Variants in ATG9B observed in about 807,000 individuals in gnomAD.
ATG9B encodes the protein autophagy related 9B, also known as autophagy-related protein 9B.
A neutral mutation model predicts 92.9 loss-of-function variants in ATG9B; 92 were observed. That is an observed-to-expected ratio of 0.99 (90% CI 0.84 to 1.18). The LOEUF is 1.18. Ranked by LOEUF, ATG9B falls within the 50% of genes most tolerant of loss-of-function variation. The pLI is 0.00. For missense variants in ATG9B, 1,344 were observed against 1,235.0 expected (o/e 1.09, Z -1.32); for synonymous variants, 599 against 551.4 (o/e 1.09, Z -1.21).
chr7:151,017,824 G>T, intron 8 of ATG9B, 47 bp downstream of exon 8: 2 of 1,514,112 alleles, frequency 1.3e-6, no homozygotes, highest in Non-Finnish European at 1.8e-6. Flanking sequence ...AGAGGCAAGC[G>T]AACTCCCACC....
At chr7:151,023,016 C>G in intron 4 of ATG9B, 29 bp downstream of exon 4, 1 of 1,613,768 alleles carries the variant, frequency 6.2e-7, no homozygotes, top group South Asian at 1.1e-5. Context: ...CATGCTTCAC[C>G]CCCAGGGCCC....
intron 5 of ATG9B, 108 bp from the exon 6 acceptor site, chr7:151,019,482 C>T (rs1350332756): frequency 5.8e-6 from 8 of 1,384,000 alleles, no homozygotes; most frequent in Non-Finnish European, 7.6e-6. Context: ...ACTGAGTTTG[C>T]GATCACAAAC....
At position 151,018,270 on chromosome 7, in the gene ATG9B, G is replaced by A; in HGVS notation, c.1872+24C>T. On this transcript the variant is annotated intron_variant, in intron 7 of 13. Coordinates refer to ENST00000639579, the MANE Select transcript of ATG9B (RefSeq NM_001317056.2). This position sits in a 1 kb window ranked among gnomAD's most constrained non-coding sequence, Gnocchi z 4.7. ...GACAGACCCCACAACTTCCTCCTCAGCCCGCCGTCGCGCCCACCCTCACCG... is the reference window on the plus strand; with the variant it reads ...GACAGACCCCACAACTTCCTCCTCAACCCGCCGTCGCGCCCACCCTCACCG... 2 of 1,517,986 alleles carry A rather than the reference G, an allele frequency of 1.3e-6. No individual in the cohort carries two copies. Among genetic ancestry groups the A allele is most frequent in the East Asian group, 2.3e-5 (1 of 44,106 alleles). 94.0% of individuals were successfully genotyped at this position (1,517,986 alleles called of 1,614,324 possible).
Position 151,021,221 on chromosome 7 carries a change from C to A in ATG9B, c.930G>T (p.Gln310His). The A allele has an allele frequency of 6.2e-7, 1 of 1,613,546 alleles. No individual in the cohort carries two copies. Among genetic ancestry groups the A allele is most frequent in the Non-Finnish European group, 8.5e-7 (1 of 1,179,928 alleles). The stretch of plus-strand genomic sequence containing the variant: ...TGTGCAGGGCCTCCCTGTAAAACAC[C>A]TGGATGTCCCAGTAGCTGAAGAGGT... The part of the protein sequence containing the change: ...VCNLFSYWDI[Q>H]VFYREALHIP... Residue 310 changes from glutamine to histidine, a missense_variant, in exon 5 of 14, where the codon CAG becomes CAT. Transcript: ENST00000639579.
chr7:151,013,368 G>A (rs1307560810), downstream of ATG9B: 1 of 1,613,192 alleles, frequency 6.2e-7, no homozygotes, highest in Non-Finnish European at 8.5e-7. Flanking sequence ...CCGGGAACCT[G>A]ACAACCCCAA....
chr7:151,013,145 C>T (rs1795343184), downstream of ATG9B: 1 of 1,462,826 alleles, frequency 6.8e-7, no homozygotes, highest in Admixed American at 2.0e-5. Context: ...GCTGGGCTGC[C>T]AGGCTGGGCG....
chr7:151,018,985 C>A lies in ATG9B; in HGVS notation c.1353G>T (p.Pro451=). 1 of 1,576,882 alleles carries A rather than the reference C, an allele frequency of 6.3e-7. No homozygotes were observed. The highest frequency in any genetic ancestry group is 8.6e-7 in the Non-Finnish European group (1 of 1,166,146). ...GCAGAACCTGCCAGGCCAGCACCAG[C>A]GGGCTCAGCGCCAGGTTCAGGGCGG... ...LLAALNLALS[P]LVLAWQVLHV... is the part of the protein sequence containing the mutation. The change falls in exon 6 of 14, where the codon CCG becomes CCT. Residue 451 remains proline, a synonymous_variant. Coordinates refer to ENST00000639579, the MANE Select transcript of ATG9B (RefSeq NM_001317056.2). This position sits in a 1 kb window ranked among gnomAD's most constrained non-coding sequence, Gnocchi z 4.7.
chr7:151,017,279 G>A lies in ATG9B; in HGVS notation c.2053-7C>T, dbSNP rs1480580564. ...TCTGTCCCGCCGAGAGCCACTGTGA[G>A]CAAGGACAGTCTTTCAGGTGCTAAG... On this transcript the variant is annotated splice_region_variant and splice_polypyrimidine_tract_variant and intron_variant, in intron 8 of 13. Coordinates refer to ENST00000639579, the MANE Select transcript of ATG9B (RefSeq NM_001317056.2). 1 of 1,578,220 alleles carries A rather than the reference G, an allele frequency of 6.3e-7. No individual in the cohort carries two copies. Among genetic ancestry groups the A allele is most frequent in the Non-Finnish European group, 8.6e-7 (1 of 1,158,778 alleles).
rs1383191611 is a variant in ATG9B at position 151,017,138 on chromosome 7, C to T, written c.2187G>A (p.Gly729=). Residue 729 remains glycine, a synonymous_variant, in exon 9 of 14, where the codon GGG becomes GGA. Transcript: ENST00000639579. ...RPPGHSSKFL[G]HLWGRVQQDA... ...CTTGTTGTACTCGGCCCCAGAGGTGCCCAAGAAACTTAGAGCTGTGCCCTG... is the reference window on the plus strand; with the variant it reads ...CTTGTTGTACTCGGCCCCAGAGGTGTCCAAGAAACTTAGAGCTGTGCCCTG... 4 of 1,612,876 alleles carry T rather than the reference C, an allele frequency of 2.5e-6. No individual in the cohort carries two copies. The highest frequency in any genetic ancestry group is 2.5e-6 in the Non-Finnish European group (3 of 1,179,742).
downstream of ATG9B, chr7:151,012,383 G>C (rs746872470): frequency 6.9e-6 from 11 of 1,589,882 alleles, no homozygotes; most frequent in African/African-American, 1.3e-5. Flanking sequence ...CCCGATCCCA[G>C]CTTGCCCTGC....
chr7:151,022,926 C>A (rs12665997), intron 4 of ATG9B, 119 bp downstream of exon 4: 9 of 1,365,716 alleles, frequency 6.6e-6, no homozygotes, highest in Non-Finnish European at 9.1e-6. Flanking sequence ...ATTTTTGGTC[C>A]TAAGACCAAA....
At position 151,015,313 on chromosome 7, in the gene ATG9B, G is replaced by T. The variant is rs907575386; in HGVS notation, c.*415C>A. ...TACAAGCCCCAAGGAACCTGAAAGTGCTGCTGGCAGCCGCCAGCATGACGA... is the reference window on the plus strand; with the variant it reads ...TACAAGCCCCAAGGAACCTGAAAGTTCTGCTGGCAGCCGCCAGCATGACGA... On this transcript the variant is annotated 3_prime_UTR_variant, in exon 14 of 14. Transcript: ENST00000639579. 2 of 152,390 alleles carry T rather than the reference G, an allele frequency of 1.3e-5. No individual in the cohort carries two copies. Among genetic ancestry groups the T allele is most frequent in the African/African-American group, 4.8e-5 (2 of 41,444 alleles). The allele number at this position is 152,390 out of a possible 1,614,324, so 9.4% of individuals were successfully genotyped here.
At chr7:151,016,993 TGTG>T (rs1418475572) in intron 9 of ATG9B, 40 bp downstream of exon 9, 4 of 1,541,110 alleles carry the variant, frequency 2.6e-6, no homozygotes, top group Non-Finnish European at 3.5e-6. Flanking sequence ...GGAGAGGAGT[TGTG>T]GGGGTGAAGG....
In ATG9B at chr7:151,016,012, C is replaced by A; in HGVS notation, c.2659G>T (p.Ala887Ser). The change falls in exon 13 of 14, where the codon GCC becomes TCC. Residue 887 changes from alanine (A) to serine (S), a missense_variant. Ala to Ser is a moderately conservative substitution (Grantham distance 99, BLOSUM62 1). Transcript: ENST00000639579. ...CCCCACTGTTGTCTGGGGCTAGAGG[C>A]AGGACTGGAGCCTGGTGAAAAAGGC... Reference protein sequence around the residue: ...PSWSSDGSSPASSPRQQWGTQ... With the variant: ...PSWSSDGSSPSSSPRQQWGTQ... 1 of 1,551,550 alleles carries A rather than the reference C, an allele frequency of 6.4e-7. No homozygotes were observed. The highest frequency in any genetic ancestry group is 8.7e-7 in the Non-Finnish European group (1 of 1,146,928).
downstream of ATG9B, chr7:151,014,043 C>G: frequency 6.2e-7 from 1 of 1,613,636 alleles, no homozygotes; most frequent in Non-Finnish European, 8.5e-7. Flanking sequence ...TTTTCGGGCT[C>G]ACGCTGCGCA....
intron 8 of ATG9B, among the ~76,000 whole-genome samples, chr7:151,017,637 G>A (rs1018533860): frequency 2.6e-5 from 4 of 152,174 alleles, no homozygotes; most frequent in African/African-American, 7.2e-5. Context: ...TCCATCATAG[G>A]CTATACAGAC....
chr7:151,012,486 C>T (rs1266135893), downstream of ATG9B: 1 of 1,609,010 alleles, frequency 6.2e-7, no homozygotes, highest in Non-Finnish European at 8.5e-7. Context: ...AGGCTGGGGA[C>T]TAAAGGACTG....
At position 151,015,887 on chromosome 7, in the gene ATG9B, G is replaced by A. The variant is rs895130238; in HGVS notation, c.*9C>T. 1.9e-6 allele frequency: 3 copies of A among 1,550,968 alleles called. No homozygotes were observed. Among genetic ancestry groups the A allele is most frequent in the Non-Finnish European group, 2.6e-6 (3 of 1,146,658 alleles). Reference sequence around the variant, plus strand: ...TCACAGGAGGCAATACTGACCCTGAGGAGTCGTCTCAGTCAGTGCAAGAGG... The same window carrying A: ...TCACAGGAGGCAATACTGACCCTGAAGAGTCGTCTCAGTCAGTGCAAGAGG... On this transcript the variant is annotated 3_prime_UTR_variant, in exon 13 of 14. Transcript: ENST00000639579.
rs1272081054 is a variant in ATG9B at position 151,017,064 on chromosome 7, C to T, written c.2261G>A (p.Gly754Glu). 3 of 1,602,552 alleles carry T rather than the reference C, an allele frequency of 1.9e-6. No homozygotes were observed. Among genetic ancestry groups the T allele is most frequent in the African/African-American group, 1.3e-5 (1 of 74,782 alleles). The stretch of plus-strand genomic sequence containing the variant: ...GGGCGAGGTGCAGTTGCTGAGCACC[C>T]CCGGGGTGGAGGGGCCGCGAGCCGA... ...ATSARGPSTP[G>E]VLSNCTSPLP... The change falls in exon 9 of 14, where the codon GGG becomes GAG. Residue 754 changes from glycine (G) to glutamate (E), a missense_variant. Transcript: ENST00000639579.
Sources: gnomAD v4.1 joint callset for allele counts (sites outside exome capture counted in the v4.1 genomes callset) on GRCh38, gnomAD v4.1.1 for gene constraint, Gnocchi (gnomAD v3.1) non-coding constraint, MANE v1.5 for transcripts, NCBI Gene and HGNC (gene_info 2026-07-23, HGNC 2026-07-21) for gene names.